SORBS2: variants seen among roughly 807,000 people sequenced by gnomAD.
The protein encoded by SORBS2 is sorbin and SH3 domain containing 2, also known as sorbin and SH3 domain-containing protein 2.
In SORBS2, 46 loss-of-function variants were observed where a neutral mutation model predicts 97.7. The observed-to-expected ratio is 0.47, with a 90% CI of 0.37 to 0.60. The LOEUF (loss-of-function observed/expected upper bound fraction) is 0.60, where lower values mean the gene tolerates loss of function less well. SORBS2 is among the 20% of genes least tolerant of loss of function. SORBS2 has a pLI of 0.00. For synonymous variants in SORBS2, 476 were observed against 473.4 expected (o/e 1.01, Z -0.07); for missense variants, 1,316 against 1,282.3 (o/e 1.03, Z -0.40).
Position 185,623,432 on chromosome 4 carries a change from G to A in SORBS2, c.1697C>T (p.Pro566Leu), listed in dbSNP as rs1022325285. 2 of 1,611,476 alleles carry A rather than the reference G, an allele frequency of 1.2e-6. No individual in the cohort carries two copies. Among genetic ancestry groups the A allele is most frequent in the Non-Finnish European group, 1.7e-6 (2 of 1,179,996 alleles). ...TGTGGTAAATCGAGTGTAGGAGGCC[G>A]GGCACCTGCCTTTGCAGGAGCTGAT... The change falls in exon 7 of 15, where the codon CCG (proline) becomes CTG (leucine). Residue 566 changes from proline to leucine, a missense_variant. Pro to Leu is a moderately conservative substitution (Grantham distance 98). Coordinates refer to ENST00000418609, the Ensembl canonical transcript of SORBS2. The surrounding 1 kb of genome is among the most constrained non-coding windows in gnomAD (Gnocchi z 6.4).
At chr4:185,896,094 A>G (rs970761471) in intron 1 of SORBS2, among the ~76,000 whole-genome samples, 6 of 152,224 alleles carry the variant, frequency 3.9e-5, no homozygotes, top group Non-Finnish European at 4.4e-5. Flanking sequence ...TAGGCCAAAG[A>G]ATCTCACTTA....
chr4:185,626,903 A>C, exon 6 of SORBS2: 2 of 1,614,224 alleles, frequency 1.2e-6, no homozygotes, highest in Non-Finnish European at 1.7e-6. Context: ...TGATCCTGGG[A>C]GGTCCACTCG....
chr4:185,647,859 G>A (rs1481221688), intron 3 of SORBS2, among the ~76,000 whole-genome samples: 1 of 152,104 alleles, frequency 6.6e-6, no homozygotes, highest in African/African-American at 2.4e-5. Flanking sequence ...TTTTTAGGAG[G>A]TTATCATATG....
At chr4:185,654,157 C>T (rs2097358021) in intron 1 of SORBS2, among the ~76,000 whole-genome samples, 1 of 152,186 alleles carries the variant, frequency 6.6e-6, no homozygotes. Context: ...TCATTCTCGG[C>T]TCTTTCTCCA....
At chr4:185,586,376 A>C (rs2095801557) in exon 15 of SORBS2, 1 of 152,678 alleles carries the variant, frequency 6.5e-6, no homozygotes, top group African/African-American at 2.4e-5. Flanking sequence ...TGCTTCTAAA[A>C]AGTGCCTAAT....
At chr4:185,945,828 G>A (rs762241150) in intron 1 of SORBS2, among the ~76,000 whole-genome samples, 35 of 152,256 alleles carry the variant, frequency 2.3e-4, no homozygotes, top group Non-Finnish European at 3.8e-4. Context: ...GCTTCGGGCC[G>A]GAGTAAGAAG....
intron 4 of SORBS2, among the ~76,000 whole-genome samples, chr4:185,666,590 G>C (rs2097605337): frequency 6.6e-6 from 1 of 152,170 alleles, no homozygotes; most frequent in Non-Finnish European, 1.5e-5. Flanking sequence ...TAGCATAATT[G>C]CCTCCCCCTT....
At chr4:185,921,134 G>A (rs548826457) in intron 1 of SORBS2, among the ~76,000 whole-genome samples, 1 of 152,318 alleles carries the variant, frequency 6.6e-6, no homozygotes, top group African/African-American at 2.4e-5. Flanking sequence ...CATGGCTTAA[G>A]TCGTTTGCAT....
intron 1 of SORBS2, among the ~76,000 whole-genome samples, chr4:185,781,373 T>A (rs2099027934): frequency 6.6e-6 from 1 of 152,270 alleles, no homozygotes; most frequent in African/African-American, 2.4e-5. Context: ...AGTCGCTAAA[T>A]CTGCTATGAA....
intron 4 of SORBS2, among the ~76,000 whole-genome samples, chr4:185,634,468 G>T (rs1401494443): frequency 7.2e-5 from 11 of 151,954 alleles, no homozygotes; most frequent in Non-Finnish European, 1.6e-4. Context: ...AGAGTTCCTT[G>T]CAAGGAGGCT....
chr4:185,655,671 C>T (rs947742869), intron 1 of SORBS2, among the ~76,000 whole-genome samples: 11 of 152,176 alleles, frequency 7.2e-5, no homozygotes, highest in African/African-American at 1.9e-4. Flanking sequence ...CATACCCAAA[C>T]GTGCTTTTGA....
intron 2 of SORBS2, among the ~76,000 whole-genome samples, chr4:185,768,057 A>C (rs947876283): frequency 2.6e-5 from 4 of 152,186 alleles, no homozygotes; most frequent in Non-Finnish European, 5.9e-5. Context: ...CTGATTTTCT[A>C]GTACAATATA....
chr4:185,834,366 T>A (rs2099206807), intron 1 of SORBS2, among the ~76,000 whole-genome samples: 1 of 152,190 alleles, frequency 6.6e-6, no homozygotes, highest in Non-Finnish European at 1.5e-5. Context: ...CCAAACCATA[T>A]GAACACTTAG....
At chr4:185,596,795 A>G (rs1407222235) in intron 12 of SORBS2, among the ~76,000 whole-genome samples, 1 of 151,848 alleles carries the variant, frequency 6.6e-6, no homozygotes, top group Non-Finnish European at 1.5e-5. Context: ...GGCCTCCTAA[A>G]GTGCTGGGAT....
chr4:185,893,117 AAG>A (rs1480167453), intron 1 of SORBS2, among the ~76,000 whole-genome samples: 3 of 152,218 alleles, frequency 2.0e-5, no homozygotes, highest in Admixed American at 2.0e-4. Context: ...AGAAGGAAGA[AAG>A]AGATAATCAG....
intron 1 of SORBS2, among the ~76,000 whole-genome samples, chr4:185,841,140 C>T (rs577198439): frequency 1.3e-5 from 2 of 152,312 alleles, no homozygotes; most frequent in African/African-American, 2.4e-5. Flanking sequence ...GGCCTTTCTC[C>T]CTCAGCTATG....
upstream of SORBS2, among the ~76,000 whole-genome samples, chr4:185,659,011 G>C (rs1306911491): frequency 2.6e-5 from 4 of 152,094 alleles, no homozygotes; most frequent in Non-Finnish European, 5.9e-5. Context: ...CGGCCATAAG[G>C]AAGCTTTTTA....
chr4:185,596,484 G>A (rs1001656688), intron 12 of SORBS2, among the ~76,000 whole-genome samples: 5 of 150,906 alleles, frequency 3.3e-5, no homozygotes, highest in African/African-American at 1.2e-4. Context: ...CACGTCCATG[G>A]CTGGAGAACG....
intron 2 of SORBS2, among the ~76,000 whole-genome samples, chr4:185,727,781 G>C (rs1162504257): frequency 6.6e-6 from 1 of 152,166 alleles, no homozygotes; most frequent in Admixed American, 6.5e-5. Context: ...TAAACAGCTT[G>C]TTCAGAAAAA....
Sources: allele counts gnomAD v4.1 joint callset (sites outside exome capture counted in the v4.1 genomes callset), GRCh38; gene constraint gnomAD v4.1.1; non-coding constraint Gnocchi (gnomAD v3.1); transcripts MANE v1.5; gene names NCBI Gene and HGNC (gene_info 2026-07-23, HGNC 2026-07-21).